The following DDX4 variants were observed in gnomAD, a reference collection of about 807,000 sequenced individuals.
The protein encoded by DDX4 is probable ATP-dependent RNA helicase DDX4.
DDX4 carries 25 observed loss-of-function variants against 100.0 expected under a neutral mutation model. The ratio of observed to expected loss-of-function variants is 0.25; its 90% CI spans 0.18 to 0.35. The LOEUF (loss-of-function observed/expected upper bound fraction) is 0.35. Among genes scored for constraint, DDX4 ranks in the 10% least tolerant of loss-of-function variants. The probability of loss-of-function intolerance (pLI) is 1.00; values close to 1 mark genes in which losing one functional copy is unlikely to be tolerated. For missense variants in DDX4, 635 were observed against 882.4 expected (o/e 0.72, Z 3.55); for synonymous variants, 259 against 275.7 (o/e 0.94, Z 0.60).
At chr5:55,763,919 CT>C in intron 5 of DDX4, 94 bp from the exon 6 acceptor site, 1 of 830,480 alleles carries the variant, frequency 1.2e-6, no homozygotes, top group Non-Finnish European at 2.0e-6. Flanking sequence ...TTGTGTATCG[CT>C]TATCTTAGAA....
At chr5:55,803,431 C>T (rs1580600366) in intron 18 of DDX4, among the ~76,000 whole-genome samples, 1 of 147,244 alleles carries the variant, frequency 6.8e-6, no homozygotes, top group African/African-American at 2.5e-5. Flanking sequence ...CCCACTAACT[C>T]GTCATCTAGC....
At chr5:55,767,615 G>A (rs947479795) in intron 6 of DDX4, among the ~76,000 whole-genome samples, 19 of 152,148 alleles carry the variant, frequency 1.2e-4, no homozygotes, top group African/African-American at 1.9e-4. Flanking sequence ...TTTGCTTTGC[G>A]TAGTATAATG....
intron 20 of DDX4, 37 bp from the exon 21 acceptor site, chr5:55,815,276 T>C: frequency 6.3e-7 from 1 of 1,595,970 alleles, no homozygotes; most frequent in Non-Finnish European, 8.5e-7. Context: ...CAATATTTAA[T>C]ACTTTATGTT....
chr5:55,784,938 T>C (rs1333724335), intron 10 of DDX4, among the ~76,000 whole-genome samples: 1 of 152,214 alleles, frequency 6.6e-6, no homozygotes, highest in Non-Finnish European at 1.5e-5. Context: ...ATCATAACCA[T>C]GAGTATGACT....
chr5:55,781,546 GC>G (rs1205402956), intron 9 of DDX4, among the ~76,000 whole-genome samples: 1 of 152,182 alleles, frequency 6.6e-6, no homozygotes, highest in Non-Finnish European at 1.5e-5. Context: ...GGAGGCTGAG[GC>G]AGGTGGATCA....
intron 2 of DDX4, among the ~76,000 whole-genome samples, chr5:55,745,805 A>G (rs1005945563): frequency 3.3e-5 from 5 of 152,202 alleles, no homozygotes; most frequent in African/African-American, 1.2e-4. Flanking sequence ...CTTTCTATAA[A>G]GGGCCAGATA....
chr5:55,766,877 T>C (rs1177565862), intron 6 of DDX4: 6 of 1,512,980 alleles, frequency 4.0e-6, no homozygotes, highest in Non-Finnish European at 5.3e-6. Flanking sequence ...AGTAATAACA[T>C]AGAACTTTTA....
At chr5:55,748,243 G>A (rs1759348876) in intron 3 of DDX4, among the ~76,000 whole-genome samples, 1 of 152,140 alleles carries the variant, frequency 6.6e-6, no homozygotes, top group Admixed American at 6.5e-5. Context: ...GGCTAATTTT[G>A]CTTCTACCAT....
intron 7 of DDX4, among the ~76,000 whole-genome samples, chr5:55,778,491 CAAAT>C (rs1164256779): frequency 2.0e-5 from 3 of 151,380 alleles, no homozygotes; most frequent in South Asian, 2.1e-4. Flanking sequence ...GGAGAAAACT[CAAAT>C]AAAAAAGGTA....
intron 6 of DDX4, 145 bp downstream of exon 6, chr5:55,764,209 C>A: frequency 1.6e-6 from 1 of 626,586 alleles, no homozygotes. Flanking sequence ...AAGCCTTAAC[C>A]AAGGATATTA....
intron 4 of DDX4, among the ~76,000 whole-genome samples, chr5:55,760,585 G>A (rs1423114493): frequency 2.0e-5 from 3 of 152,134 alleles, no homozygotes; most frequent in African/African-American, 7.2e-5. Context: ...AACAATTGAT[G>A]TGGGAAGAAT....
At chr5:55,800,324 G>GT (rs776992728) in intron 18 of DDX4, among the ~76,000 whole-genome samples, 12,056 of 137,368 alleles carry the variant, frequency 0.088, 938 homozygotes, top group African/African-American at 0.21. Flanking sequence ...GTCACCTTAA[G>GT]TTTTTTTTTT....
intron 3 of DDX4, among the ~76,000 whole-genome samples, chr5:55,759,426 A>T (rs568365174): frequency 6.6e-6 from 1 of 151,918 alleles, no homozygotes; most frequent in African/African-American, 2.4e-5. Context: ...AATTTTTTTC[A>T]TATTTAATAG....
rs59794903 is a variant in DDX4, at chr5:55,783,633, A to AGATGGATGGATGGATG, written c.626-1635_626-1620dup. On this transcript the variant is annotated intron_variant, in intron 10 of 21. Coordinates refer to ENST00000505374, the MANE Select transcript of DDX4 (RefSeq NM_024415.3). The stretch of plus-strand genomic sequence containing the variant: ...GACAGACCAAAAGGAAGGAGGGAGG[A>AGATGGATGGATGGATG]GATGGATGGATGGATGGATGGATGG... Among the ~76,000 whole-genome samples the AGATGGATGGATGGATG allele has an allele frequency of 9.0e-4, 132 of 146,756 alleles. 1 individual carries two copies. Among genetic ancestry groups the AGATGGATGGATGGATG allele is most frequent in the Middle Eastern group, 3.5e-3 (1 of 288 alleles).
At chr5:55,758,200 AT>A (rs1760062394) in intron 3 of DDX4, among the ~76,000 whole-genome samples, 1 of 152,182 alleles carries the variant, frequency 6.6e-6, no homozygotes, top group Non-Finnish European at 1.5e-5. Context: ...GAGATTAGTT[AT>A]TTTTTATTAA....
chr5:55,787,391 G>C (rs1006286049), intron 14 of DDX4, among the ~76,000 whole-genome samples: 1 of 152,152 alleles, frequency 6.6e-6, no homozygotes, highest in Non-Finnish European at 1.5e-5. Context: ...ACTTCAATAA[G>C]GGTAATGTGT....
At chr5:55,763,286 A>G in intron 5 of DDX4, 34 bp downstream of exon 5, 5 of 1,341,146 alleles carry the variant, frequency 3.7e-6, no homozygotes, top group Non-Finnish European at 5.4e-6. Flanking sequence ...TACAATCAAA[A>G]CTTGAGTGAT....
chr5:55,782,105 T>C (rs530121885), intron 10 of DDX4, 124 bp downstream of exon 10: 1 of 1,076,270 alleles, frequency 9.3e-7, no homozygotes, highest in East Asian at 2.6e-5. Flanking sequence ...CTGTTATTGC[T>C]TTTATACACT....
chr5:55,783,422 A>G (rs1742040438), intron 10 of DDX4, among the ~76,000 whole-genome samples: 1 of 152,130 alleles, frequency 6.6e-6, no homozygotes, highest in South Asian at 2.1e-4. Context: ...TTTTGAATCT[A>G]ATGCAGTCAT....
Sources: gnomAD v4.1 joint callset for allele counts (sites outside exome capture counted in the v4.1 genomes callset) on GRCh38, gnomAD v4.1.1 for gene constraint, MANE v1.5 for transcripts, NCBI Gene and HGNC (gene_info 2026-07-23, HGNC 2026-07-21) for gene names.